Variants in SYT16 observed in about 807,000 individuals in gnomAD.
SYT16 encodes synaptotagmin 16.
In SYT16, 42 loss-of-function variants were observed where a neutral mutation model predicts 61.4. That is an observed-to-expected ratio of 0.68 (90% CI 0.53 to 0.89). SYT16 has a LOEUF of 0.89. SYT16 is among the 40% of genes least tolerant of loss of function. SYT16 has a pLI of 0.00. For missense variants in SYT16, 804 were observed against 807.3 expected (o/e 1.00, Z 0.05); for synonymous variants, 314 against 302.3 (o/e 1.04, Z -0.40).
intron 1 of SYT16, among the ~76,000 whole-genome samples, chr14:61,854,086 AC>A (rs1194797049): frequency 6.6e-6 from 1 of 151,952 alleles, no homozygotes; most frequent in African/African-American, 2.4e-5. Context: ...ATACACACAC[AC>A]CCCCACCCCA....
At chr14:61,976,424 G>A (rs574289204) in intron 2 of SYT16, among the ~76,000 whole-genome samples, 1 of 152,178 alleles carries the variant, frequency 6.6e-6, no homozygotes, top group Non-Finnish European at 1.5e-5. Flanking sequence ...CACTTCTGTA[G>A]TAGAGGTTCT....
chr14:61,913,239 C>T (rs118059778), intron 1 of SYT16, among the ~76,000 whole-genome samples: 124 of 152,186 alleles, frequency 8.1e-4, no homozygotes, highest in African/African-American at 2.4e-3. Context: ...AGCATGTGAC[C>T]GTGTCCCCAG....
At chr14:62,043,216 AC>A (rs1291841116) in intron 3 of SYT16, among the ~76,000 whole-genome samples, 2 of 150,802 alleles carry the variant, frequency 1.3e-5, no homozygotes, top group Non-Finnish European at 2.9e-5. Flanking sequence ...GACCTCCAGT[AC>A]CCCCTCAGAA....
At chr14:61,929,318 A>G (rs2049667383) in intron 1 of SYT16, among the ~76,000 whole-genome samples, 1 of 152,232 alleles carries the variant, frequency 6.6e-6, no homozygotes, top group Admixed American at 6.5e-5. Flanking sequence ...TTTATGAAAT[A>G]CAATTCTAGG....
At chr14:61,976,631 T>G (rs1231671132) in intron 2 of SYT16, among the ~76,000 whole-genome samples, 1 of 152,154 alleles carries the variant, frequency 6.6e-6, no homozygotes, top group Non-Finnish European at 1.5e-5. Context: ...TTGGCCCCTT[T>G]TAGCCATGAC....
intron 1 of SYT16, among the ~76,000 whole-genome samples, chr14:61,863,646 G>A (rs1250857534): frequency 1.3e-5 from 2 of 152,164 alleles, no homozygotes; most frequent in Non-Finnish European, 2.9e-5. Context: ...TCTTTCTTTT[G>A]TGGATTGTGC....
chr14:62,045,149 TAAATA>T (rs2054916591), intron 3 of SYT16, among the ~76,000 whole-genome samples: 1 of 151,930 alleles, frequency 6.6e-6, no homozygotes, highest in Non-Finnish European at 1.5e-5. Context: ...AATAAATAAA[TAAATA>T]AATAAATAAA....
intron 1 of SYT16, among the ~76,000 whole-genome samples, chr14:61,969,471 T>C (rs569557913): frequency 1.3e-5 from 2 of 152,202 alleles, no homozygotes; most frequent in African/African-American, 2.4e-5. Flanking sequence ...TTGATACTGA[T>C]GAGGAGGAGG....
At chr14:62,081,372 C>A in intron 6 of SYT16, 98 bp downstream of exon 6, 1 of 1,325,794 alleles carries the variant, frequency 7.5e-7, no homozygotes, top group Non-Finnish European at 1.0e-6. Flanking sequence ...AATTCAGAGA[C>A]TTTAATTTAA....
chr14:62,015,383 C>T (rs1018514069), intron 3 of SYT16, among the ~76,000 whole-genome samples: 2 of 152,034 alleles, frequency 1.3e-5, no homozygotes, highest in African/African-American at 4.8e-5. Context: ...GTGTAAATAT[C>T]CTATAAATAC....
Position 61,912,431 on chromosome 14 carries a change from A to G in SYT16, c.-324-57701A>G, listed in dbSNP as rs532394469. 7.9e-5 allele frequency among the ~76,000 whole-genome samples: 12 copies of G among 152,340 alleles called. No individual in the cohort carries two copies. In the East Asian group the frequency reaches 1.3e-3, roughly 17 times the overall value. ...TATGATTTCAAAAGAGTCAATTTGTATTATCCTATGTTTGGAAGCTCTGAA... is the reference window on the plus strand; with the variant it reads ...TATGATTTCAAAAGAGTCAATTTGTGTTATCCTATGTTTGGAAGCTCTGAA... On this transcript the variant is annotated intron_variant, in intron 1 of 7. Coordinates refer to ENST00000683842, the MANE Select transcript of SYT16 (RefSeq NM_001367656.1).
At chr14:62,086,501 C>T (rs902688796) in intron 7 of SYT16, among the ~76,000 whole-genome samples, 16 of 152,010 alleles carry the variant, frequency 1.1e-4, no homozygotes, top group African/African-American at 3.4e-4. Context: ...CAACAACAAA[C>T]AAACAAACAA....
At chr14:62,059,330 TG>T (rs2055711724) in intron 3 of SYT16, among the ~76,000 whole-genome samples, 1 of 152,346 alleles carries the variant, frequency 6.6e-6, no homozygotes, top group Non-Finnish European at 1.5e-5. Context: ...ATCTTTCATT[TG>T]TTTATAGGCC....
intron 4 of SYT16, among the ~76,000 whole-genome samples, chr14:62,073,041 A>G (rs867291768): frequency 6.6e-6 from 1 of 152,088 alleles, no homozygotes; most frequent in Non-Finnish European, 1.5e-5. Flanking sequence ...TGCTTTATGG[A>G]AAGGTGAATC....
chr14:61,914,697 T>G (rs1235645687), intron 1 of SYT16, among the ~76,000 whole-genome samples: 2 of 152,182 alleles, frequency 1.3e-5, no homozygotes, highest in Non-Finnish European at 2.9e-5. Flanking sequence ...TGATTTGGGT[T>G]TCTCCTCAAA....
intron 3 of SYT16, among the ~76,000 whole-genome samples, chr14:62,045,862 T>A (rs1468625327): frequency 6.6e-6 from 1 of 152,218 alleles, no homozygotes; most frequent in African/African-American, 2.4e-5. Flanking sequence ...TTGTTGGACA[T>A]TTAGGTTGGT....
At chr14:62,089,322 A>AG (rs1282451955) in intron 7 of SYT16, among the ~76,000 whole-genome samples, 2 of 151,674 alleles carry the variant, frequency 1.3e-5, no homozygotes, top group Non-Finnish European at 2.9e-5. Flanking sequence ...CCATCTCAAA[A>AG]AAAAAAAAAA....
At position 62,109,914 on chromosome 14, in the gene SYT16, C is replaced by G. The variant is rs142872358; in HGVS notation, c.*9207C>G. The G allele has an allele frequency of 3.5e-4, 54 of 152,250 alleles. No individual in the cohort carries two copies. Among genetic ancestry groups the G allele is most frequent in the African/African-American group, 1.2e-3 (51 of 41,542 alleles). 9.4% of individuals were successfully genotyped at this position (152,250 alleles called of 1,614,324 possible). On this transcript the variant is annotated 3_prime_UTR_variant, in exon 8 of 8. Transcript: ENST00000683842. ...TTAAAAATGGTATGTAAGCATCTGG[C>G]TCACACAGCAGCTCTGAATTCTGAA...
intron 1 of SYT16, among the ~76,000 whole-genome samples, chr14:61,824,411 G>GGT (rs2045708371): frequency 6.6e-6 from 1 of 152,012 alleles, no homozygotes; most frequent in Non-Finnish European, 1.5e-5. Context: ...GGAGTGCAGT[G>GGT]GCAGGATCTC....
Sources: allele counts gnomAD v4.1 joint callset (sites outside exome capture counted in the v4.1 genomes callset), GRCh38; gene constraint gnomAD v4.1.1; transcripts MANE v1.5; gene names NCBI Gene and HGNC (gene_info 2026-07-23, HGNC 2026-07-21).